AFF3: variants seen among roughly 807,000 people sequenced by gnomAD.
AFF3 encodes ALF transcription elongation factor 3.
Under a neutral mutation model 129.7 loss-of-function variants are expected in AFF3, and 32 were observed. The ratio of observed to expected loss-of-function variants is 0.25; its 90% CI spans 0.19 to 0.33. AFF3 has a LOEUF of 0.33. Ranked by LOEUF, AFF3 falls within the 10% of genes least tolerant of loss-of-function variation. The pLI, the probability that AFF3 is intolerant of heterozygous loss-of-function variation, is 1.00. For missense variants in AFF3, 1,373 were observed against 1,592.0 expected (o/e 0.86, Z 2.34); for synonymous variants, 644 against 635.4 (o/e 1.01, Z -0.20).
chr2:99,907,446 C>T (rs1694795060), intron 7 of AFF3, among the ~76,000 whole-genome samples: 1 of 152,128 alleles, frequency 6.6e-6, no homozygotes, highest in Non-Finnish European at 1.5e-5. Context: ...TTCTTCTCTT[C>T]AGGTTAAATA....
At chr2:99,718,205 C>G (rs1678557030) in intron 11 of AFF3, among the ~76,000 whole-genome samples, 1 of 152,068 alleles carries the variant, frequency 6.6e-6, no homozygotes, top group South Asian at 2.1e-4. Context: ...ATAAAAATGT[C>G]CTGCAGGTCT....
chr2:99,886,977 C>A (rs1272452081), intron 7 of AFF3, among the ~76,000 whole-genome samples: 1 of 152,172 alleles, frequency 6.6e-6, no homozygotes, highest in Non-Finnish European at 1.5e-5. Context: ...CCAGTTACTC[C>A]TAATTTTTAA....
In AFF3 at chr2:99,699,441, T is replaced by C. The variant is rs148436016; in HGVS notation, c.1092-26852A>G. On this transcript the variant is annotated intron_variant, in intron 11 of 24. Coordinates refer to ENST00000672756, the MANE Select transcript of AFF3 (RefSeq NM_001386135.1). ...TCAAAATCCTTGATGTGACAGGACC[T>C]ATCGCCTGGCATACTAAAAGTGGGG... 9.6e-4 allele frequency among the ~76,000 whole-genome samples: 146 copies of C among 152,344 alleles called. 1 individual carries two copies. The highest frequency in any genetic ancestry group is 3.1e-3 in the African/African-American group (127 of 41,568).
In AFF3 at chr2:99,593,150, C is replaced by T. The variant is rs760044817; in HGVS notation, c.2466+45G>A. Reference sequence around the variant, plus strand: ...AAGTACCCACAAGTTAAGAGATAGCCCCTTCCCCTCCACGCCCCCGCACCC... The same window carrying T: ...AAGTACCCACAAGTTAAGAGATAGCTCCTTCCCCTCCACGCCCCCGCACCC... On this transcript the variant is annotated intron_variant, in intron 15 of 24. Transcript: ENST00000672756. The T allele has an allele frequency of 4.9e-5, 74 of 1,525,012 alleles. 1 individual carries two copies. The highest frequency in any genetic ancestry group is 2.1e-4 in the Middle Eastern group (1 of 4,828). The allele number at this position is 1,525,012 out of a possible 1,614,324, so 94.5% of individuals were successfully genotyped here.
At chr2:100,018,030 G>GTATATATA (rs144397984) in intron 4 of AFF3, among the ~76,000 whole-genome samples, 1 of 132,784 alleles carries the variant, frequency 7.5e-6, no homozygotes, top group African/African-American at 2.7e-5. Context: ...GTGTGTGTGT[G>GTATATATA]TGTATATATA....
intron 7 of AFF3, among the ~76,000 whole-genome samples, chr2:99,841,903 T>A (rs1280338898): frequency 6.6e-6 from 1 of 152,184 alleles, no homozygotes; most frequent in Admixed American, 6.5e-5. Flanking sequence ...GCTCACAGTA[T>A]GAAAATAAAA....
chr2:99,553,913 C>CA (rs1674647709), intron 24 of AFF3, among the ~76,000 whole-genome samples: 2 of 17,562 alleles, frequency 1.1e-4, no homozygotes, highest in African/African-American at 3.2e-4. Flanking sequence ...GATTCTGTCT[C>CA]AAACCAAAAA....
chr2:99,632,580 G>A (rs1434684727), intron 13 of AFF3, among the ~76,000 whole-genome samples: 3 of 152,106 alleles, frequency 2.0e-5, no homozygotes, highest in Admixed American at 6.5e-5. Context: ...AGACCAGAGC[G>A]CCAGGCTTCG....
At chr2:99,627,140 G>A (rs12995629) in intron 13 of AFF3, among the ~76,000 whole-genome samples, 24,570 of 152,110 alleles carry the variant, frequency 0.16, 2,473 homozygotes, top group South Asian at 0.29. Context: ...TTAGGTCTTC[G>A]AGGAATCACC....
chr2:99,699,289 C>T (rs990647113), intron 11 of AFF3, among the ~76,000 whole-genome samples: 1 of 152,200 alleles, frequency 6.6e-6, no homozygotes, highest in African/African-American at 2.4e-5. Flanking sequence ...CCGCTGGTTT[C>T]TGATGGGCAC....
chr2:99,865,611 C>T (rs1393036976), intron 7 of AFF3, among the ~76,000 whole-genome samples: 1 of 152,084 alleles, frequency 6.6e-6, no homozygotes, highest in Non-Finnish European at 1.5e-5. Context: ...CTTAGCAGCC[C>T]TGTGTGTCTA....
In AFF3 at chr2:100,000,531, CAT is replaced by C. The variant is rs980186308; in HGVS notation, c.873+6099_873+6100del. 1.3e-4 allele frequency among the ~76,000 whole-genome samples: 19 copies of C among 149,890 alleles called. No homozygotes were observed. The South Asian group carries it at 1.7e-3, about 13-fold the overall frequency. ...ACGCGCGCACACACACACACACACA[CAT>C]ACACAAACATAAAATCACTCTCAAC... is the stretch of plus-strand genomic sequence containing the variant. On this transcript the variant is annotated intron_variant, in intron 7 of 24. Transcript: ENST00000672756.
chr2:99,780,068 T>C (rs1558843178), intron 8 of AFF3, among the ~76,000 whole-genome samples: 1 of 152,242 alleles, frequency 6.6e-6, no homozygotes, highest in African/African-American at 2.4e-5. Flanking sequence ...ATAATCCTTT[T>C]CTATGGGTTG....
intron 8 of AFF3, among the ~76,000 whole-genome samples, chr2:99,772,093 A>G (rs28520449): frequency 0.1 from 15,851 of 152,030 alleles, 2,572 homozygotes; most frequent in African/African-American, 0.35. Context: ...CCCATCCTCC[A>G]CCTCAGAAAA....
intron 11 of AFF3, among the ~76,000 whole-genome samples, chr2:99,676,445 C>G (rs1289826864): frequency 1.3e-5 from 2 of 152,172 alleles, no homozygotes; most frequent in Non-Finnish European, 2.9e-5. Context: ...AATGCTAGCT[C>G]TGCCTTTCAT....
At chr2:99,747,127 C>G (rs1446655104) in intron 9 of AFF3, among the ~76,000 whole-genome samples, 1 of 152,128 alleles carries the variant, frequency 6.6e-6, no homozygotes, top group African/African-American at 2.4e-5. Flanking sequence ...CTCCCAGGTT[C>G]AAGCAATTCT....
At chr2:99,818,507 T>C (rs1447504746) in intron 8 of AFF3, among the ~76,000 whole-genome samples, 1 of 152,188 alleles carries the variant, frequency 6.6e-6, no homozygotes, top group Non-Finnish European at 1.5e-5. Context: ...CTGGAGATTT[T>C]CTGAGCCTAT....
intron 8 of AFF3, among the ~76,000 whole-genome samples, chr2:99,771,476 C>T (rs1415342740): frequency 6.6e-6 from 1 of 151,764 alleles, no homozygotes; most frequent in East Asian, 1.9e-4. Context: ...TGTCTCAGCC[C>T]TGGTGTCCTG....
At chr2:100,088,999 T>C (rs962896238) in intron 4 of AFF3, among the ~76,000 whole-genome samples, 5 of 152,200 alleles carry the variant, frequency 3.3e-5, no homozygotes, top group Admixed American at 2.6e-4. Context: ...AAAGAAGCAT[T>C]GTTATACATT....
Sources: gnomAD v4.1 joint callset for allele counts (sites outside exome capture counted in the v4.1 genomes callset) on GRCh38, gnomAD v4.1.1 for gene constraint, MANE v1.5 for transcripts, NCBI Gene and HGNC (gene_info 2026-07-23, HGNC 2026-07-21) for gene names.